Variants in WDR7 observed in about 807,000 individuals in gnomAD.
The protein encoded by WDR7 is WD repeat-containing protein 7.
In WDR7, 46 loss-of-function variants were observed where a neutral mutation model predicts 169.4. The observed-to-expected ratio is 0.27, with a 90% CI of 0.21 to 0.35. WDR7 has a LOEUF of 0.35. WDR7 is among the 10% of genes least tolerant of loss of function. The pLI is 1.00. For synonymous variants in WDR7, 612 were observed against 666.8 expected, an observed-to-expected ratio of 0.92 and a Z score of 1.27; for missense variants, 1,534 against 1,859.3, an observed-to-expected ratio of 0.83 and a Z score of 3.22.
chr18:56,919,808 G>T (rs577053003), intron 21 of WDR7, among the ~76,000 whole-genome samples: 1 of 152,140 alleles, frequency 6.6e-6, no homozygotes, highest in Admixed American at 6.5e-5. Context: ...ATCCCATTTG[G>T]CTGGGGATGA....
intron 1 of WDR7, among the ~76,000 whole-genome samples, chr18:56,660,540 A>T (rs559480245): frequency 6.6e-6 from 1 of 152,174 alleles, no homozygotes; most frequent in South Asian, 2.1e-4. Flanking sequence ...CAGATAAAGG[A>T]TACTCAACCT....
At chr18:56,910,473 T>G (rs1335870533) in intron 21 of WDR7, among the ~76,000 whole-genome samples, 1 of 152,176 alleles carries the variant, frequency 6.6e-6, no homozygotes, top group Non-Finnish European at 1.5e-5. Flanking sequence ...GAATGAAAGT[T>G]TTAGTCATAT....
At chr18:57,017,477 CTG>C (rs57440164) in intron 26 of WDR7, among the ~76,000 whole-genome samples, 2,844 of 134,728 alleles carry the variant, frequency 0.021, 41 homozygotes, top group East Asian at 0.053. Flanking sequence ...CCAAGTCATG[CTG>C]TGTGTGTGTG....
intron 22 of WDR7, among the ~76,000 whole-genome samples, chr18:56,934,038 C>G (rs796837704): frequency 2.0e-5 from 3 of 152,136 alleles, no homozygotes; most frequent in Non-Finnish European, 4.4e-5. Flanking sequence ...AACTTGATTT[C>G]ATTTTGTGTA....
rs182339596 is a variant in WDR7, at chr18:56,889,790, C to T, written c.3526+9625C>T. The stretch of plus-strand genomic sequence containing the variant: ...GCAAGTACCAGGTCACCTGTGAATA[C>T]GGACATCTATTGAAGCTTTCATTTA... On this transcript the variant is annotated intron_variant, in intron 21 of 27. Transcript: ENST00000254442. 3.0e-3 allele frequency among the ~76,000 whole-genome samples: 463 copies of T among 152,250 alleles called. 2 individuals carry two copies. The highest frequency in any genetic ancestry group is 4.3e-3 in the Non-Finnish European group (295 of 68,008).
intron 19 of WDR7, among the ~76,000 whole-genome samples, chr18:56,802,245 C>A (rs375177861): frequency 6.6e-6 from 1 of 151,906 alleles, no homozygotes; most frequent in African/African-American, 2.4e-5. Context: ...TATTTGCCAT[C>A]CATATGTCCA....
chr18:56,742,270 G>T (rs2043630948), intron 14 of WDR7, among the ~76,000 whole-genome samples: 1 of 152,164 alleles, frequency 6.6e-6, no homozygotes. Context: ...GTGCTAGGTG[G>T]ATTAAACCCT....
intron 19 of WDR7, among the ~76,000 whole-genome samples, chr18:56,784,215 T>C (rs2044360665): frequency 1.3e-5 from 2 of 152,204 alleles, no homozygotes; most frequent in South Asian, 4.1e-4. Context: ...AGTGACAGAC[T>C]CCAAAACTTA....
At chr18:56,953,170 C>T (rs2047205637) in intron 25 of WDR7, among the ~76,000 whole-genome samples, 1 of 152,078 alleles carries the variant, frequency 6.6e-6, no homozygotes, top group Non-Finnish European at 1.5e-5. Context: ...GAACTCTCTC[C>T]TCATTTTGCT....
At chr18:56,818,000 C>G (rs963615703) in intron 20 of WDR7, among the ~76,000 whole-genome samples, 1 of 152,196 alleles carries the variant, frequency 6.6e-6, no homozygotes, top group Non-Finnish European at 1.5e-5. Context: ...GCCTCGGTCT[C>G]CCAAAGTGCT....
At chr18:56,701,018 A>G (rs1250146563) in intron 12 of WDR7, among the ~76,000 whole-genome samples, 1 of 152,240 alleles carries the variant, frequency 6.6e-6, no homozygotes, top group Non-Finnish European at 1.5e-5. Context: ...ACCCTTTAAG[A>G]TATAAAATTT....
chr18:56,964,767 T>C (rs576132836), intron 26 of WDR7, among the ~76,000 whole-genome samples: 12 of 152,260 alleles, frequency 7.9e-5, no homozygotes, highest in African/African-American at 2.6e-4. Flanking sequence ...CCAACCCAAA[T>C]TATTGAATAA....
chr18:56,859,673 C>T (rs547584014), intron 20 of WDR7, among the ~76,000 whole-genome samples: 5 of 152,214 alleles, frequency 3.3e-5, no homozygotes, highest in South Asian at 2.1e-4. Flanking sequence ...GAAATAATTT[C>T]GAACACCTTG....
chr18:56,783,134 T>C (rs2044344486), intron 19 of WDR7, among the ~76,000 whole-genome samples: 1 of 142,046 alleles, frequency 7.0e-6, no homozygotes, highest in African/African-American at 2.6e-5. Context: ...TTCTGGAAAT[T>C]TTTCTATTTT....
chr18:56,978,395 GA>G (rs146504948), intron 26 of WDR7, among the ~76,000 whole-genome samples: 5,252 of 152,254 alleles, frequency 0.034, 309 homozygotes, highest in African/African-American at 0.12. Context: ...AACATTTATT[GA>G]GTGCTACTAT....
rs1208986106 is a variant in WDR7, at chr18:56,730,916, TA to T, written c.1775-466del. Among the ~76,000 whole-genome samples, 4 of 152,208 alleles carry T rather than the reference TA, an allele frequency of 2.6e-5. No individual in the cohort carries two copies. The South Asian group carries it at 6.2e-4, about 24-fold the overall frequency. On this transcript the variant is annotated intron_variant, in intron 13 of 27. Transcript: ENST00000254442. ...TGCAGACAAAATGTAGAAATTATAA[TA>T]TTTTTTCTGTTTTGTGGAAGTTTCT...
chr18:56,825,100 C>T (rs1599076846), intron 20 of WDR7, among the ~76,000 whole-genome samples: 2 of 152,216 alleles, frequency 1.3e-5, no homozygotes, highest in South Asian at 4.1e-4. Context: ...GCTGCCTCTT[C>T]AGTCACCCTT....
intron 19 of WDR7, among the ~76,000 whole-genome samples, chr18:56,785,559 C>G (rs193169875): frequency 2.0e-5 from 3 of 152,142 alleles, no homozygotes; most frequent in Admixed American, 2.0e-4. Flanking sequence ...AACGCTCTTA[C>G]CTGAAGAGCA....
chr18:57,029,654 GA>G lies in WDR7; in HGVS notation c.*2448del, dbSNP rs2145964490. The G allele has an allele frequency of 6.6e-6, 1 of 152,188 alleles. No homozygotes were observed. The highest frequency in any genetic ancestry group is 1.9e-4 in the East Asian group (1 of 5,160). 9.4% of individuals were successfully genotyped at this position (152,188 alleles called of 1,614,324 possible). Reference sequence around the variant, plus strand: ...CGTGACACCTGTATGAAAATGTGATGATTGAACTCCCTGTGTACAGCGAGTG... The same window carrying G: ...CGTGACACCTGTATGAAAATGTGATGTTGAACTCCCTGTGTACAGCGAGTG... On this transcript the variant is annotated 3_prime_UTR_variant, in exon 28 of 28. Coordinates refer to ENST00000254442, the MANE Select transcript of WDR7 (RefSeq NM_015285.3).
Sources: allele counts gnomAD v4.1 joint callset (sites outside exome capture counted in the v4.1 genomes callset), GRCh38; gene constraint gnomAD v4.1.1; transcripts MANE v1.5; gene names NCBI Gene and HGNC (gene_info 2026-07-23, HGNC 2026-07-21).